Variants in MTCL2 observed in about 807,000 individuals in gnomAD.
MTCL2 encodes the protein microtubule cross-linking factor 2.
the MTCL2 span, among the ~76,000 whole-genome samples, chr20:36,861,172 G>A: frequency 1.4e-4 from 22 of 152,310 alleles, no homozygotes; most frequent in African/African-American, 5.3e-4. Context: ...AAGCAGCTCA[G>A]AGCACCAAGA....
chr20:36,815,974 C>A, the MTCL2 span: 2 of 1,613,428 alleles, frequency 1.2e-6, no homozygotes, highest in African/African-American at 2.7e-5. This position sits in a 1 kb window ranked among gnomAD's most constrained non-coding sequence, Gnocchi z 5.3. Context: ...GCCTCAGGAC[C>A]CCCACAGCCA....
the MTCL2 span, among the ~76,000 whole-genome samples, chr20:36,795,689 T>C: frequency 6.6e-6 from 1 of 152,054 alleles, no homozygotes; most frequent in Non-Finnish European, 1.5e-5. Flanking sequence ...GGCAGGAGAA[T>C]TGCTTGAACC....
chr20:36,814,669 T>C, the MTCL2 span, among the ~76,000 whole-genome samples: 1 of 152,118 alleles, frequency 6.6e-6, no homozygotes, highest in Non-Finnish European at 1.5e-5. Context: ...GTCGGATCAC[T>C]TGAAGTCAGG....
the MTCL2 span, among the ~76,000 whole-genome samples, chr20:36,830,589 G>A: frequency 1.3e-5 from 2 of 152,100 alleles, no homozygotes; most frequent in African/African-American, 4.8e-5. Context: ...ACAAAGCAAA[G>A]CAAAACAAAA....
the MTCL2 span, chr20:36,815,348 G>A: frequency 8.3e-4 from 1,347 of 1,613,612 alleles, 7 homozygotes; most frequent in African/African-American, 0.016. This position sits in a 1 kb window ranked among gnomAD's most constrained non-coding sequence, Gnocchi z 5.3. Flanking sequence ...CGCTGTTGTC[G>A]GGGGCCTCAT....
chr20:36,792,524 T>TA, the MTCL2 span, among the ~76,000 whole-genome samples: 4,391 of 131,648 alleles, frequency 0.033, 204 homozygotes, highest in African/African-American at 0.1. Context: ...ACAAAAACAA[T>TA]AAAAAAAAAA....
the MTCL2 span, among the ~76,000 whole-genome samples, chr20:36,828,342 G>T: frequency 6.6e-6 from 1 of 152,176 alleles, no homozygotes; most frequent in Non-Finnish European, 1.5e-5. Flanking sequence ...TCTCTCTCAG[G>T]GGCTGTTTGC....
chr20:36,829,513 C>CTT, the MTCL2 span, among the ~76,000 whole-genome samples: 1,813 of 106,410 alleles, frequency 0.017, 38 homozygotes, highest in African/African-American at 0.039. Flanking sequence ...TTACCTGAGG[C>CTT]TTTTTTTTTT....
the MTCL2 span, among the ~76,000 whole-genome samples, chr20:36,821,489 C>T: frequency 2.0e-5 from 3 of 152,186 alleles, no homozygotes; most frequent in East Asian, 3.8e-4. Context: ...GATCACACCA[C>T]TGCACTGTAG....
the MTCL2 span, among the ~76,000 whole-genome samples, chr20:36,830,252 G>A: frequency 6.6e-6 from 1 of 152,122 alleles, no homozygotes; most frequent in African/African-American, 2.4e-5. Context: ...ACTGGGTACA[G>A]TAGCTCACAC....
chr20:36,777,893 G>A, the MTCL2 span: 1 of 608,974 alleles, frequency 1.6e-6, no homozygotes, highest in Middle Eastern at 2.7e-4. Flanking sequence ...GGTATCCCTG[G>A]GGTTGGGAGG....
the MTCL2 span, chr20:36,786,086 T>C: frequency 1.0e-6 from 1 of 987,470 alleles, no homozygotes; most frequent in South Asian, 4.7e-5. Flanking sequence ...GCAGGAAACA[T>C]CTCTCCGACT....
At chr20:36,816,997 T>C in the MTCL2 span, among the ~76,000 whole-genome samples, 1 of 151,790 alleles carries the variant, frequency 6.6e-6, no homozygotes, top group African/African-American at 2.4e-5. Context: ...CCGGGCGCAG[T>C]GGCTCACACC....
the MTCL2 span, chr20:36,780,097 G>A: frequency 6.6e-6 from 1 of 152,178 alleles, no homozygotes; most frequent in Non-Finnish European, 1.5e-5. Flanking sequence ...CAGGAAACCT[G>A]GGTTCTGGTC....
At chr20:36,854,017 G>A in the MTCL2 span, among the ~76,000 whole-genome samples, 1 of 152,154 alleles carries the variant, frequency 6.6e-6, no homozygotes, top group Non-Finnish European at 1.5e-5. Context: ...CAGAGCAGGG[G>A]TCTGAGGTCT....
At chr20:36,854,704 T>C in the MTCL2 span, among the ~76,000 whole-genome samples, 1 of 151,064 alleles carries the variant, frequency 6.6e-6, no homozygotes, top group African/African-American at 2.4e-5. Context: ...CCAACCAGAG[T>C]AAAGATGTTC....
chr20:36,803,415 C>G, the MTCL2 span, among the ~76,000 whole-genome samples: 2 of 152,068 alleles, frequency 1.3e-5, no homozygotes, highest in Non-Finnish European at 2.9e-5. Flanking sequence ...GTTTTCTTGG[C>G]CTCAAACCTC....
the MTCL2 span, chr20:36,793,540 A>C: frequency 1.3e-6 from 2 of 1,551,702 alleles, no homozygotes; most frequent in Non-Finnish European, 8.7e-7. The surrounding 1 kb of genome is among the most constrained non-coding windows in gnomAD (Gnocchi z 6.8). Flanking sequence ...CCCGCGTCTC[A>C]GACATGCCTA....
At chr20:36,812,147 G>A in the MTCL2 span, among the ~76,000 whole-genome samples, 1 of 152,202 alleles carries the variant, frequency 6.6e-6, no homozygotes, top group Non-Finnish European at 1.5e-5. Context: ...CAGGTCCCCT[G>A]AGTCCCAGAG....
Sources: gnomAD v4.1 joint callset for allele counts (sites outside exome capture counted in the v4.1 genomes callset) on GRCh38, gnomAD v4.1.1 for gene constraint, Gnocchi (gnomAD v3.1) non-coding constraint, MANE v1.5 for transcripts, NCBI Gene and HGNC (gene_info 2026-07-23, HGNC 2026-07-21) for gene names.